The following TM9SF4 variants were observed in gnomAD, a reference collection of about 807,000 sequenced individuals.
The protein encoded by TM9SF4 is dinucleotide oxidase disulfide thiol exchanger 3 superfamily member 4.
A neutral mutation model predicts 90.4 loss-of-function variants in TM9SF4; 26 were observed. The ratio of observed to expected loss-of-function variants is 0.29; its 90% confidence interval spans 0.21 to 0.40. The LOEUF (loss-of-function observed/expected upper bound fraction) is 0.40. Ranked by LOEUF, TM9SF4 falls within the 10% of genes least tolerant of loss-of-function variation. The pLI is 1.00. For missense variants in TM9SF4, 549 were observed against 834.8 expected (o/e 0.66, Z 4.22); for synonymous variants, 293 against 315.4 (o/e 0.93, Z 0.75).
intron 17 of TM9SF4, among the ~76,000 whole-genome samples, chr20:32,164,226 A>G (rs972252422): frequency 6.6e-6 from 1 of 151,212 alleles, no homozygotes; most frequent in African/African-American, 2.4e-5. Flanking sequence ...AAGAATGCAT[A>G]TAACAAGAGA....
rs149900181 is a variant in TM9SF4, at chr20:32,147,361, T to C, written c.954+506T>C. On this transcript the variant is annotated intron_variant, in intron 9 of 17. Transcript: ENST00000398022. ...CACCCAAAGTGATAGGGATGGCCTT[T>C]CTAATTTTAAAGCATAAAAACCGTG... 4.5e-3 allele frequency among the ~76,000 whole-genome samples: 692 copies of C among 152,316 alleles called. 6 individuals are homozygous for C. Among genetic ancestry groups the C allele is most frequent in the African/African-American group, 0.015 (635 of 41,568 alleles).
Position 32,141,492 on chromosome 20 carries a change from G to A in TM9SF4, c.230-5G>A, listed in dbSNP as rs1206829402. 1 of 1,613,730 alleles carries A rather than the reference G, an allele frequency of 6.2e-7. No individual in the cohort carries two copies. Among genetic ancestry groups the A allele is most frequent in the Non-Finnish European group, 8.5e-7 (1 of 1,179,810 alleles). ...TCTGAGCTTGATCTGTCTCTCTTAC[G>A]GCAGGAGAGGTGCTGAGAGGGGACC... On this transcript the variant is annotated splice_polypyrimidine_tract_variant and splice_region_variant and intron_variant, in intron 3 of 17. Transcript: ENST00000398022.
Position 32,165,777 on chromosome 20 carries a change from A to C in TM9SF4, c.*333A>C, listed in dbSNP as rs1226489341. On this transcript the variant is annotated 3_prime_UTR_variant, in exon 18 of 18. Coordinates refer to ENST00000398022, the MANE Select transcript of TM9SF4 (RefSeq NM_014742.4). ...TTTTTTTTCCTTCTTTGTTTTAACA[A>C]ATGGATCCAGGATGGATAAATCCAC... 3.6e-6 allele frequency: 1 copy of C among 277,424 alleles called. No homozygotes were observed. Among genetic ancestry groups the C allele is most frequent in the African/African-American group, 2.2e-5 (1 of 46,004 alleles). 17.2% of individuals were successfully genotyped at this position (277,424 alleles called of 1,614,324 possible). A position where few individuals can be genotyped will look rare whatever the true frequency, so the allele number is the denominator to read the frequency against.
intron 1 of TM9SF4, among the ~76,000 whole-genome samples, chr20:32,124,686 A>C (rs1396168493): frequency 1.3e-5 from 2 of 152,032 alleles, no homozygotes; most frequent in Admixed American, 1.3e-4. Flanking sequence ...TCCCAGGTTC[A>C]AGCAATTCTC....
At chr20:32,137,284 C>T (rs1484815139) in intron 3 of TM9SF4, among the ~76,000 whole-genome samples, 1 of 152,168 alleles carries the variant, frequency 6.6e-6, no homozygotes, top group East Asian at 1.9e-4. Context: ...GAAGCCTGAC[C>T]CACTTGGTGC....
At chr20:32,112,688 T>A in intron 1 of TM9SF4, among the ~76,000 whole-genome samples, 1 of 109,972 alleles carries the variant, frequency 9.1e-6, no homozygotes. Context: ...AGTGAGACCC[T>A]ATCTCAAAAA....
At position 32,110,291 on chromosome 20, in the gene TM9SF4, C is replaced by T. The variant is rs568808068; in HGVS notation, c.15+536C>T. 7.2e-5 allele frequency among the ~76,000 whole-genome samples: 11 copies of T among 152,216 alleles called. No homozygotes were observed. In the South Asian group the frequency reaches 1.9e-3, roughly 26 times the overall value. ...CCCCATCGCGCACCCCCTTGACTGC[C>T]GCTACCCCAGAGCTTGCCTTCACCT... On this transcript the variant is annotated intron_variant, in intron 1 of 17. Coordinates refer to ENST00000398022, the MANE Select transcript of TM9SF4 (RefSeq NM_014742.4).
rs200368810 is a variant in TM9SF4, at chr20:32,129,621, T to TA, written c.16-3391dup. Among the ~76,000 whole-genome samples the TA allele has an allele frequency of 8.6e-3, 1,238 of 144,006 alleles. 9 individuals are homozygous for TA. Among genetic ancestry groups the TA allele is most frequent in the Non-Finnish European group, 0.014 (951 of 65,924 alleles). The allele number at this position is 144,006 out of a possible 152,430, so 94.5% of individuals were successfully genotyped here. On this transcript the variant is annotated intron_variant, in intron 1 of 17. Coordinates refer to ENST00000398022, the MANE Select transcript of TM9SF4 (RefSeq NM_014742.4). ...AATTTTTTTTTTTTTTTTTTTGAAA[T>TA]AGAGTCTCCCTTTGTCGCCCAGGAT...
chr20:32,135,953 T>C, intron 2 of TM9SF4, 121 bp from the exon 3 acceptor site: 2 of 737,454 alleles, frequency 2.7e-6, no homozygotes, highest in Non-Finnish European at 4.7e-6. Flanking sequence ...CATTATATAG[T>C]GTACTGCTGT....
intron 12 of TM9SF4, among the ~76,000 whole-genome samples, chr20:32,151,112 T>G (rs549974484): frequency 1.1e-4 from 16 of 152,132 alleles, no homozygotes; most frequent in Non-Finnish European, 2.1e-4. Flanking sequence ...GGATTTGAAC[T>G]TAGGTCATTT....
At chr20:32,110,497 C>G (rs1270894552) in intron 1 of TM9SF4, among the ~76,000 whole-genome samples, 1 of 152,186 alleles carries the variant, frequency 6.6e-6, no homozygotes, top group African/African-American at 2.4e-5. Flanking sequence ...AGCAGCCCCA[C>G]TCCCAGAGAT....
Position 32,141,548 on chromosome 20 carries a change from T to C in TM9SF4, c.281T>C (p.Met94Thr), listed in dbSNP as rs1245107872. Residue 94 changes from methionine to threonine, a missense_variant, in exon 4 of 18, where the codon ATG becomes ACG. By Grantham distance (81) the Met-to-Thr change is moderately conservative (BLOSUM62 -1). This residue lies in a region of TM9SF4 where 495 missense variants were observed against 711.7 expected (regional missense o/e 0.70). Coordinates refer to ENST00000398022, the MANE Select transcript of TM9SF4 (RefSeq NM_014742.4). ...GTCAACACCCCTTTCCAGGTTCTCA[T>C]GAACAGCGAGAAGAAGTGTGAAGTT... Reference protein sequence around the residue: ...RIVNTPFQVLMNSEKKCEVLC... With the variant: ...RIVNTPFQVLTNSEKKCEVLC... The C allele has an allele frequency of 5.0e-6, 8 of 1,613,952 alleles. No homozygotes were observed. The highest frequency in any genetic ancestry group is 6.8e-6 in the Non-Finnish European group (8 of 1,180,014).
chr20:32,140,917 C>T (rs1167167981), intron 3 of TM9SF4, among the ~76,000 whole-genome samples: 1 of 151,976 alleles, frequency 6.6e-6, no homozygotes, highest in Non-Finnish European at 1.5e-5. Context: ...GGCCCAGAGG[C>T]ATAGAAGGAT....
At chr20:32,149,848 C>T (rs1386949721) in intron 10 of TM9SF4, 82 bp downstream of exon 10, 3 of 1,568,328 alleles carry the variant, frequency 1.9e-6, no homozygotes, top group East Asian at 2.3e-5. Flanking sequence ...GGGCTTCCCT[C>T]CCTGGAGAAA....
chr20:32,140,494 G>T (rs1208219610), intron 3 of TM9SF4, among the ~76,000 whole-genome samples: 1 of 152,224 alleles, frequency 6.6e-6, no homozygotes, highest in Non-Finnish European at 1.5e-5. Context: ...CCAGAAACAT[G>T]ACTGTATCAG....
intron 1 of TM9SF4, among the ~76,000 whole-genome samples, chr20:32,115,806 GCTTTTTTTTTT>G (rs2046211370): frequency 1.9e-5 from 2 of 106,306 alleles, no homozygotes; most frequent in East Asian, 6.3e-4. Context: ...ACCACTTTAA[GCTTTTTTTTTT>G]TTTTTTTTTT....
chr20:32,131,659 A>G (rs2046515877), intron 1 of TM9SF4, among the ~76,000 whole-genome samples: 1 of 152,220 alleles, frequency 6.6e-6, no homozygotes, highest in African/African-American at 2.4e-5. Flanking sequence ...TAGGGAGAGT[A>G]GTCAGATACA....
rs2046684605 is a variant in TM9SF4 at position 32,141,802 on chromosome 20, G to A, written c.435G>A (p.Glu145=). The A allele has an allele frequency of 1.4e-5, 22 of 1,614,188 alleles. No individual in the cohort carries two copies. In the East Asian group the frequency reaches 4.9e-4, roughly 36 times the overall value. The change falls in exon 5 of 18, where the codon GAG becomes GAA. Residue 145 remains glutamate, a synonymous_variant. Coordinates refer to ENST00000398022, the MANE Select transcript of TM9SF4 (RefSeq NM_014742.4). ...ACCTGCCTGTGGCCACCCGGCTGGA[G>A]CTCTACTCCAACCGAGACAGCGATG... ...ADNLPVATRL[E]LYSNRDSDDK...
intron 2 of TM9SF4, 41 bp from the exon 3 acceptor site, chr20:32,136,033 A>G: frequency 6.4e-7 from 1 of 1,565,398 alleles, no homozygotes; most frequent in East Asian, 2.2e-5. Context: ...GGTACCAGGG[A>G]GGATTATTGG....
Sources: gnomAD v4.1 joint callset for allele counts (sites outside exome capture counted in the v4.1 genomes callset) on GRCh38, gnomAD v4.1.1 for gene constraint, gnomAD v4.1.1 regional missense constraint, MANE v1.5 for transcripts, NCBI Gene and HGNC (gene_info 2026-07-23, HGNC 2026-07-21) for gene names.